The following AFG1L variants were observed in gnomAD, a reference collection of about 807,000 sequenced individuals.
The protein encoded by AFG1L is AFG1 like ATPase.
In AFG1L, 53 loss-of-function variants were observed where a neutral mutation model predicts 62.2. The ratio of observed to expected loss-of-function variants is 0.85; its 90% CI spans 0.68 to 1.07. AFG1L has a LOEUF of 1.07. AFG1L is among the 50% of genes least tolerant of loss of function. AFG1L has a pLI of 0.00. For synonymous variants in AFG1L, 228 were observed against 210.3 expected (o/e 1.08, Z -0.73); for missense variants, 555 against 590.5 (o/e 0.94, Z 0.62).
At chr6:108,313,923 A>G (rs1777500499) in intron 1 of AFG1L, among the ~76,000 whole-genome samples, 1 of 152,204 alleles carries the variant, frequency 6.6e-6, no homozygotes. Flanking sequence ...TTTTATTGAA[A>G]ATAATTCACA....
intron 10 of AFG1L, among the ~76,000 whole-genome samples, chr6:108,496,215 AGTT>A (rs1339832342): frequency 6.6e-6 from 1 of 152,236 alleles, no homozygotes; most frequent in Non-Finnish European, 1.5e-5. Context: ...CATGTAATTT[AGTT>A]GTTTGTTAGT....
In AFG1L at chr6:108,483,621, C is replaced by T. The variant is rs545415923; in HGVS notation, c.1062+6329C>T. On this transcript the variant is annotated intron_variant, in intron 10 of 12. Coordinates refer to ENST00000368977, the MANE Select transcript of AFG1L (RefSeq NM_145315.5). The stretch of plus-strand genomic sequence containing the variant: ...ATTTTCCTTAACTGATAACTGCGCT[C>T]AAAAGTAACTGTTTGCAAGAGCAGT... Among the ~76,000 whole-genome samples, 34 of 152,264 alleles carry T rather than the reference C, an allele frequency of 2.2e-4. 1 individual carries two copies. The highest frequency in any genetic ancestry group is 8.2e-4 in the African/African-American group (34 of 41,564).
intron 7 of AFG1L, among the ~76,000 whole-genome samples, chr6:108,436,037 T>C (rs1413677539): frequency 2.6e-5 from 4 of 152,154 alleles, no homozygotes; most frequent in African/African-American, 9.7e-5. Flanking sequence ...CCCAAATCTG[T>C]CTCTACAATC....
chr6:108,464,449 A>C (rs1772588198), intron 8 of AFG1L, among the ~76,000 whole-genome samples: 1 of 152,206 alleles, frequency 6.6e-6, no homozygotes, highest in South Asian at 2.1e-4. Context: ...ATGGAAAAAT[A>C]AATCATGATT....
intron 1 of AFG1L, among the ~76,000 whole-genome samples, chr6:108,316,262 TC>T (rs1777590599): frequency 1.4e-5 from 2 of 145,170 alleles, no homozygotes; most frequent in South Asian, 4.5e-4. Flanking sequence ...GCGCCTGTAG[TC>T]CCAGCTACTT....
At chr6:108,519,879 T>C in intron 12 of AFG1L, 69 bp downstream of exon 12, 1 of 936,192 alleles carries the variant, frequency 1.1e-6, no homozygotes. Context: ...GATGCATGGC[T>C]ACATTTTGAA....
At chr6:108,492,089 C>G (rs552650399) in intron 10 of AFG1L, among the ~76,000 whole-genome samples, 1 of 152,186 alleles carries the variant, frequency 6.6e-6, no homozygotes, top group East Asian at 1.9e-4. Context: ...TATTCTAAAG[C>G]CTTTTCTCCT....
At chr6:108,455,897 T>G (rs981405) in intron 8 of AFG1L, among the ~76,000 whole-genome samples, 56,759 of 151,984 alleles carry the variant, frequency 0.37, 11,021 homozygotes, top group Non-Finnish European at 0.45. Flanking sequence ...TGCACTTGAT[T>G]ATGTATTCTG....
At chr6:108,435,912 TAATA>T (rs1771288257) in intron 7 of AFG1L, among the ~76,000 whole-genome samples, 1 of 152,226 alleles carries the variant, frequency 6.6e-6, no homozygotes, top group African/African-American at 2.4e-5. Flanking sequence ...TTTGTTCAGT[TAATA>T]AATATTTACT....
At position 108,522,620 on chromosome 6, in the gene AFG1L, T is replaced by C. The variant is rs953240552; in HGVS notation, c.*195T>C. The C allele has an allele frequency of 1.3e-5, 6 of 449,830 alleles. No individual in the cohort carries two copies. The highest frequency in any genetic ancestry group is 1.2e-4 in the African/African-American group (6 of 50,226). The allele number at this position is 449,830 out of a possible 1,614,324, so 27.9% of individuals were successfully genotyped here. On this transcript the variant is annotated 3_prime_UTR_variant, in exon 13 of 13. Transcript: ENST00000368977. ...CTTAACATTTTTTAGGTCTGCTTTT[T>C]CTTATTTGGCCTTATTTCTGCACCA...
At chr6:108,348,427 G>C (rs1377156780) in intron 3 of AFG1L, among the ~76,000 whole-genome samples, 1 of 152,156 alleles carries the variant, frequency 6.6e-6, no homozygotes, top group Non-Finnish European at 1.5e-5. Context: ...TTTCTAAACT[G>C]TTCCTTCTTT....
At position 108,324,688 on chromosome 6, in the gene AFG1L, A is replaced by G. The variant is rs569515901; in HGVS notation, c.363+640A>G. The stretch of plus-strand genomic sequence containing the variant: ...TAGCCTTCTTGGGTGGGGTCCTTTC[A>G]GGACTTTTTTTTTTTTTTTTTGAGA... On this transcript the variant is annotated intron_variant, in intron 2 of 12. Coordinates refer to ENST00000368977, the MANE Select transcript of AFG1L (RefSeq NM_145315.5). Among the ~76,000 whole-genome samples the G allele has an allele frequency of 2.7e-5, 4 of 148,142 alleles. No individual in the cohort carries two copies. In the South Asian group the frequency reaches 8.5e-4, roughly 32 times the overall value.
intron 7 of AFG1L, among the ~76,000 whole-genome samples, chr6:108,419,466 C>T (rs1050519450): frequency 1.4e-4 from 21 of 152,126 alleles, no homozygotes; most frequent in South Asian, 4.2e-4. Flanking sequence ...TCAGATGGTT[C>T]GATTAGAGAA....
Position 108,510,291 on chromosome 6 carries a change from T to G in AFG1L, c.1142T>G (p.Leu381Arg). The G allele has an allele frequency of 6.2e-7, 1 of 1,612,710 alleles. No homozygotes were observed. Among genetic ancestry groups the G allele is most frequent in the Non-Finnish European group, 8.5e-7 (1 of 1,179,044 alleles). ...IFLRNIPQFT[L>R]ANRTQGRRFI... is the part of the protein sequence containing the mutation. ...TTACGAAACATTCCGCAATTTACTCTGGCAAACAGGACTCAAGGTCGAAGA... is the reference window on the plus strand; with the variant it reads ...TTACGAAACATTCCGCAATTTACTCGGGCAAACAGGACTCAAGGTCGAAGA... The change falls in exon 11 of 13, where the codon CTG becomes CGG. Residue 381 changes from leucine to arginine, a missense_variant. By Grantham distance (102) the Leu-to-Arg change is moderately radical (BLOSUM62 -2). Transcript: ENST00000368977.
chr6:108,411,507 G>GT (rs1471824847), intron 7 of AFG1L, among the ~76,000 whole-genome samples: 1 of 152,200 alleles, frequency 6.6e-6, no homozygotes, highest in Non-Finnish European at 1.5e-5. Context: ...ACACCTCTCA[G>GT]TAGGGCCCGA....
chr6:108,487,314 A>G (rs1398993076), intron 10 of AFG1L, among the ~76,000 whole-genome samples: 2 of 152,072 alleles, frequency 1.3e-5, no homozygotes, highest in Non-Finnish European at 2.9e-5. Flanking sequence ...GTCCTGTGCT[A>G]TGATCATGTC....
chr6:108,340,261 C>T (rs906625876), intron 2 of AFG1L, among the ~76,000 whole-genome samples: 1 of 149,662 alleles, frequency 6.7e-6, no homozygotes, highest in African/African-American at 2.5e-5. Context: ...GAATAGGACT[C>T]TTGTGTATTC....
chr6:108,347,104 T>TAGAAATAGAAATCATCCCTGA, intron 3 of AFG1L, 65 bp downstream of exon 3: 2 of 1,306,086 alleles, frequency 1.5e-6, no homozygotes, highest in Non-Finnish European at 2.2e-6. Context: ...CTCTCAGGGA[T>TAGAAATAGAAATCATCCCTGA]GATTTCTATT....
chr6:108,484,538 C>G (rs1582649986), intron 10 of AFG1L, among the ~76,000 whole-genome samples: 1 of 152,164 alleles, frequency 6.6e-6, no homozygotes, highest in Non-Finnish European at 1.5e-5. Context: ...TCAACCAACC[C>G]TGAATCCTAC....
Sources: gnomAD v4.1 joint callset for allele counts (sites outside exome capture counted in the v4.1 genomes callset) on GRCh38, gnomAD v4.1.1 for gene constraint, MANE v1.5 for transcripts, NCBI Gene and HGNC (gene_info 2026-07-23, HGNC 2026-07-21) for gene names.